The following CNTN4 variants were observed in gnomAD, a reference collection of about 807,000 sequenced individuals.
The protein encoded by CNTN4 is contactin-4.
Under a neutral mutation model 122.5 loss-of-function variants are expected in CNTN4, and 77 were observed. The ratio of observed to expected loss-of-function variants is 0.63; its 90% CI spans 0.52 to 0.76. The LOEUF (loss-of-function observed/expected upper bound fraction) is 0.76. CNTN4 is among the 30% of genes least tolerant of loss of function. The pLI is 0.00. For synonymous variants in CNTN4, 512 were observed against 447.0 expected (o/e 1.15, Z -1.83); for missense variants, 1,256 against 1,259.1 (o/e 1.00, Z 0.04).
At chr3:2,554,159 C>T (rs964958253) in intron 3 of CNTN4, among the ~76,000 whole-genome samples, 8 of 152,032 alleles carry the variant, frequency 5.3e-5, no homozygotes, top group African/African-American at 1.9e-4. Flanking sequence ...TTCAAGTGAG[C>T]GAATAAAAAT....
chr3:2,943,292 C>A (rs1327912303), intron 13 of CNTN4, among the ~76,000 whole-genome samples: 1 of 152,072 alleles, frequency 6.6e-6, no homozygotes, highest in Non-Finnish European at 1.5e-5. Flanking sequence ...GGCTGTTAGA[C>A]CTAAAACTGA....
At chr3:2,984,771 C>T (rs969693895) in intron 13 of CNTN4, among the ~76,000 whole-genome samples, 2 of 152,142 alleles carry the variant, frequency 1.3e-5, no homozygotes, top group Non-Finnish European at 2.9e-5. Flanking sequence ...AGTCATCTCA[C>T]CCCTCAGAAT....
At chr3:2,981,182 C>G (rs751875929) in intron 13 of CNTN4, among the ~76,000 whole-genome samples, 1 of 152,178 alleles carries the variant, frequency 6.6e-6, no homozygotes, top group Non-Finnish European at 1.5e-5. Context: ...CGGTGGCTCA[C>G]GCCTGTAGTA....
chr3:2,741,747 C>T (rs752095319), intron 5 of CNTN4, among the ~76,000 whole-genome samples: 1 of 152,204 alleles, frequency 6.6e-6, no homozygotes, highest in Non-Finnish European at 1.5e-5. Flanking sequence ...AATGAAAACA[C>T]ATTTTGCAGC....
chr3:2,965,860 C>G (rs1376599336), intron 13 of CNTN4, among the ~76,000 whole-genome samples: 1 of 152,164 alleles, frequency 6.6e-6, no homozygotes, highest in East Asian at 1.9e-4. Context: ...CTACATATCC[C>G]TTAAGAATCA....
chr3:2,994,225 A>AG (rs1695319135), intron 14 of CNTN4, among the ~76,000 whole-genome samples: 1 of 144,036 alleles, frequency 6.9e-6, no homozygotes, highest in Non-Finnish European at 1.5e-5. Context: ...CTCTAATAGC[A>AG]ATTTTTTTTT....
intron 3 of CNTN4, among the ~76,000 whole-genome samples, chr3:2,390,521 G>T (rs2046405842): frequency 6.6e-6 from 1 of 152,068 alleles, no homozygotes; most frequent in Non-Finnish European, 1.5e-5. Flanking sequence ...TGTTTTACTT[G>T]TTTACAAGTT....
At chr3:2,617,419 C>CT (rs71058631) in intron 4 of CNTN4, among the ~76,000 whole-genome samples, 3,572 of 108,374 alleles carry the variant, frequency 0.033, 290 homozygotes, top group African/African-American at 0.1. Context: ...AGAGAAATGC[C>CT]TTTTTTTTTT....
At chr3:2,436,334 C>T (rs1016153232) in intron 3 of CNTN4, among the ~76,000 whole-genome samples, 2 of 152,014 alleles carry the variant, frequency 1.3e-5, no homozygotes, top group Admixed American at 6.6e-5. Flanking sequence ...AGGCATCTCT[C>T]ACAAGCATAA....
At chr3:2,391,509 A>T (rs1178657809) in intron 3 of CNTN4, among the ~76,000 whole-genome samples, 1 of 152,184 alleles carries the variant, frequency 6.6e-6, no homozygotes, top group African/African-American at 2.4e-5. Flanking sequence ...ACAGATGAAA[A>T]CCAGATATAC....
At chr3:2,905,193 A>G (rs371511540) in intron 12 of CNTN4, among the ~76,000 whole-genome samples, 10 of 152,368 alleles carry the variant, frequency 6.6e-5, no homozygotes, top group African/African-American at 2.2e-4. Flanking sequence ...GTCTAATTAC[A>G]AATGAATTTT....
chr3:3,045,757 C>T (rs1042403538), intron 23 of CNTN4, among the ~76,000 whole-genome samples: 2 of 152,172 alleles, frequency 1.3e-5, no homozygotes, highest in Non-Finnish European at 2.9e-5. Context: ...TCCTCACCAG[C>T]AATGGAAAAA....
chr3:2,369,662 T>C (rs1004049384), intron 3 of CNTN4, among the ~76,000 whole-genome samples: 2 of 152,098 alleles, frequency 1.3e-5, no homozygotes, highest in Admixed American at 6.6e-5. Flanking sequence ...AGATGCTTCC[T>C]TCCTCCTGCT....
intron 4 of CNTN4, among the ~76,000 whole-genome samples, chr3:2,722,129 C>G (rs1476121872): frequency 6.6e-6 from 1 of 152,192 alleles, no homozygotes; most frequent in Non-Finnish European, 1.5e-5. Context: ...CCTGAACAGA[C>G]TAAGACGCTA....
chr3:2,937,272 T>G (rs1682620850), intron 13 of CNTN4, among the ~76,000 whole-genome samples: 1 of 152,198 alleles, frequency 6.6e-6, no homozygotes, highest in South Asian at 2.1e-4. Flanking sequence ...CTTTGCTCTC[T>G]AGAGCAGTAC....
At chr3:2,600,507 A>G (rs148482701) in intron 4 of CNTN4, among the ~76,000 whole-genome samples, 2 of 152,042 alleles carry the variant, frequency 1.3e-5, no homozygotes, top group African/African-American at 4.8e-5. Context: ...AGCTTCATCC[A>G]TGTCCCTGCA....
intron 2 of CNTN4, among the ~76,000 whole-genome samples, chr3:2,125,252 A>G (rs2034067012): frequency 6.6e-6 from 1 of 151,854 alleles, no homozygotes; most frequent in South Asian, 2.1e-4. Context: ...CACTTAGCAT[A>G]CTGTCTTCCA....
At chr3:2,161,020 A>C (rs2149175501) in intron 2 of CNTN4, among the ~76,000 whole-genome samples, 1 of 152,260 alleles carries the variant, frequency 6.6e-6, no homozygotes, top group South Asian at 2.1e-4. Flanking sequence ...GTTAAAGTTG[A>C]GTACCAAGTG....
chr3:2,860,013 A>T (rs972505390), intron 7 of CNTN4, among the ~76,000 whole-genome samples: 1 of 152,222 alleles, frequency 6.6e-6, no homozygotes, highest in Admixed American at 6.6e-5. Flanking sequence ...TTGCTTTTCC[A>T]TACCTCCACT....
Sources: allele counts gnomAD v4.1 joint callset (sites outside exome capture counted in the v4.1 genomes callset), GRCh38; gene constraint gnomAD v4.1.1; transcripts MANE v1.5; gene names NCBI Gene and HGNC (gene_info 2026-07-23, HGNC 2026-07-21).